The following ABHD6 variants were observed in gnomAD, a reference collection of about 807,000 sequenced individuals.
ABHD6 encodes the protein abhydrolase domain containing 6, acylglycerol lipase.
A neutral mutation model predicts 38.8 loss-of-function variants in ABHD6; 33 were observed. That is an observed-to-expected ratio of 0.85 (90% CI 0.64 to 1.14). ABHD6 has a LOEUF of 1.14. ABHD6 is among the 50% of genes most tolerant of loss of function. The pLI is 0.00. For synonymous variants in ABHD6, 147 were observed against 161.6 expected, an observed-to-expected ratio of 0.91 and a Z score of 0.69; for missense variants, 380 against 422.6, an observed-to-expected ratio of 0.90 and a Z score of 0.88.
intron 7 of ABHD6, among the ~76,000 whole-genome samples, chr3:58,279,964 T>C (rs542880710): frequency 1.3e-5 from 2 of 152,350 alleles, no homozygotes; most frequent in East Asian, 3.9e-4. Context: ...GATCCGCTGT[T>C]AGTCTGATGG....
At chr3:58,258,287 A>G in intron 3 of ABHD6, 1 of 376,182 alleles carries the variant, frequency 2.7e-6, no homozygotes, top group Non-Finnish European at 5.4e-6. Context: ...AGCCTGGGCA[A>G]CAAGAGCAGA....
In ABHD6 at chr3:58,243,178, A is replaced by G. The variant is rs137966320; in HGVS notation, c.-91+5262A>G. ...GCTATTGTGAATAGTGCTGCAATAA[A>G]CATATGTGTTCATGTGTCTTTATAG... On this transcript the variant is annotated intron_variant, in intron 1 of 9. Coordinates refer to ENST00000478253, the MANE Select transcript of ABHD6 (RefSeq NM_001320126.2). Among the ~76,000 whole-genome samples, 263 of 152,318 alleles carry G rather than the reference A, an allele frequency of 1.7e-3. 1 individual carries two copies. Among genetic ancestry groups the G allele is most frequent in the African/African-American group, 6.1e-3 (254 of 41,560 alleles).
intron 1 of ABHD6, among the ~76,000 whole-genome samples, chr3:58,247,133 G>T (rs1248393729): frequency 6.6e-6 from 1 of 151,096 alleles, no homozygotes; most frequent in African/African-American, 2.4e-5. Context: ...AGGGATTCTA[G>T]CTAGGACTAC....
chr3:58,240,836 T>G (rs1339189073), intron 1 of ABHD6, among the ~76,000 whole-genome samples: 2 of 150,958 alleles, frequency 1.3e-5, no homozygotes, highest in Non-Finnish European at 2.9e-5. Context: ...GTTCAAGCAA[T>G]TCTCCTGCCT....
chr3:58,244,656 C>T (rs1414771467), intron 1 of ABHD6, among the ~76,000 whole-genome samples: 1 of 151,728 alleles, frequency 6.6e-6, no homozygotes, highest in African/African-American at 2.4e-5. Context: ...CCCAGCTGCT[C>T]AGGAGGCTGA....
intron 7 of ABHD6, among the ~76,000 whole-genome samples, chr3:58,282,444 G>A (rs1199815014): frequency 5.9e-5 from 9 of 152,054 alleles, no homozygotes; most frequent in Non-Finnish European, 1.5e-5. Context: ...CAGCACTTGA[G>A]GTCCTGGCTG....
In ABHD6 at chr3:58,238,804, T is replaced by G. The variant is rs2097420839; in HGVS notation, c.-91+888T>G. Among the ~76,000 whole-genome samples, 2 of 152,284 alleles carry G rather than the reference T, an allele frequency of 1.3e-5. No individual in the cohort carries two copies. Among genetic ancestry groups the G allele is most frequent in the African/African-American group, 4.8e-5 (2 of 41,568 alleles). Reference sequence around the variant, plus strand: ...TGGGGGTCTTACTCCAGCTGGGACCTGGAGGCCCTCATTTATCTCGCCGCC... The same window carrying G: ...TGGGGGTCTTACTCCAGCTGGGACCGGGAGGCCCTCATTTATCTCGCCGCC... On this transcript the variant is annotated intron_variant, in intron 1 of 9. Coordinates refer to ENST00000478253, the MANE Select transcript of ABHD6 (RefSeq NM_001320126.2). The surrounding 1 kb of genome is among the most constrained non-coding windows in gnomAD (Gnocchi z 6.9).
At chr3:58,243,138 T>C (rs1334012625) in intron 1 of ABHD6, among the ~76,000 whole-genome samples, 1 of 152,218 alleles carries the variant, frequency 6.6e-6, no homozygotes, top group East Asian at 1.9e-4. Flanking sequence ...ACGTTTGGGT[T>C]GGTTCCAAGT....
At position 58,285,486 on chromosome 3, in the gene ABHD6, G is replaced by T. The variant is rs779636805; in HGVS notation, c.837+33G>T. ...ACACATCCCCGCGGCAGTCTGTGCT[G>T]GTCACCAGGGCCTCTGAGGAAAAAC... On this transcript the variant is annotated intron_variant, in intron 9 of 9. Transcript: ENST00000478253. The surrounding 1 kb of genome is among the most constrained non-coding windows in gnomAD (Gnocchi z 4.9). The T allele has an allele frequency of 6.4e-7, 1 of 1,570,606 alleles. No homozygotes were observed. Among genetic ancestry groups the T allele is most frequent in the South Asian group, 1.1e-5 (1 of 90,124 alleles).
chr3:58,242,384 A>C (rs11130621), intron 1 of ABHD6, among the ~76,000 whole-genome samples: 46,610 of 151,944 alleles, frequency 0.31, 8,066 homozygotes, highest in East Asian at 0.76. Flanking sequence ...GCCCATCCAA[A>C]CTAAAACCTC....
chr3:58,253,708 C>G (rs1252136726), intron 2 of ABHD6, among the ~76,000 whole-genome samples: 1 of 152,176 alleles, frequency 6.6e-6, no homozygotes, highest in Admixed American at 6.5e-5. Context: ...ATGATTGTCC[C>G]TACCCTCAAG....
At chr3:58,239,119 C>T (rs932862196) in intron 1 of ABHD6, among the ~76,000 whole-genome samples, 2 of 151,136 alleles carry the variant, frequency 1.3e-5, no homozygotes, top group Admixed American at 6.6e-5. Context: ...CTTCCCCCAA[C>T]CGCCCCCCCA....
Position 58,293,694 on chromosome 3 carries a change from A to G in ABHD6, c.943A>G (p.Lys315Glu). Residue 315 changes from lysine to glutamate, a missense_variant, in exon 10 of 10, where the codon AAG becomes GAG. Physicochemically the swap from Lys to Glu is moderately conservative, Grantham distance 56 (BLOSUM62 1). Coordinates refer to ENST00000478253, the MANE Select transcript of ABHD6 (RefSeq NM_001320126.2). The surrounding 1 kb of genome is among the most constrained non-coding windows in gnomAD (Gnocchi z 4.4). Reference sequence around the variant, plus strand: ...CTCAGTAGTGATGGAAAGACCCAGGAAGACAGCCAAGCTCATAATCGACTT... The same window carrying G: ...CTCAGTAGTGATGGAAAGACCCAGGGAGACAGCCAAGCTCATAATCGACTT... ...GHSVVMERPR[K>E]TAKLIIDFLA... 1 of 1,614,234 alleles carries G rather than the reference A, an allele frequency of 6.2e-7. No homozygotes were observed. The highest frequency in any genetic ancestry group is 1.1e-5 in the South Asian group (1 of 91,084).
intron 9 of ABHD6, among the ~76,000 whole-genome samples, chr3:58,286,717 A>G (rs1022321056): frequency 5.9e-5 from 9 of 151,332 alleles, no homozygotes; most frequent in African/African-American, 2.2e-4. Context: ...ATGCATACCT[A>G]TACATATCTG....
At chr3:58,240,255 T>G (rs2097421856) in intron 1 of ABHD6, among the ~76,000 whole-genome samples, 1 of 152,132 alleles carries the variant, frequency 6.6e-6, no homozygotes, top group Non-Finnish European at 1.5e-5. Flanking sequence ...AATTTTTTTT[T>G]TTAGAGATGA....
chr3:58,245,704 C>T lies in ABHD6; in HGVS notation c.-90-4174C>T, dbSNP rs139677577. ...CTGAGGCACAAGAATTGCTTGAACC[C>T]CAGAGGCAGAGGTTGCAGTGAACTG... On this transcript the variant is annotated intron_variant, in intron 1 of 9. Coordinates refer to ENST00000478253, the MANE Select transcript of ABHD6 (RefSeq NM_001320126.2). 7.7e-4 allele frequency among the ~76,000 whole-genome samples: 117 copies of T among 152,120 alleles called. 2 individuals are homozygous for T. The highest frequency in any genetic ancestry group is 3.4e-3 in the Middle Eastern group (1 of 294).
rs769155755 is a variant in ABHD6, at chr3:58,256,076, A to AACACACACAC, written c.-25-462_-25-453dup. ...TATTTCTCTCTCTTTTCCTCCCACC[A>AACACACACAC]ACACACACACACACACACACACACA... On this transcript the variant is annotated intron_variant, in intron 2 of 9. Transcript: ENST00000478253. The surrounding 1 kb of genome is among the most constrained non-coding windows in gnomAD (Gnocchi z 4.3). Among the ~76,000 whole-genome samples, 159 of 65,546 alleles carry AACACACACAC rather than the reference A, an allele frequency of 2.4e-3. No individual in the cohort carries two copies. Among genetic ancestry groups the AACACACACAC allele is most frequent in the African/African-American group, 0.013 (131 of 9,820 alleles). The allele number at this position is 65,546 out of a possible 152,430, so 43.0% of individuals were successfully genotyped here.
At chr3:58,276,024 AT>A (rs1403696415) in intron 7 of ABHD6, among the ~76,000 whole-genome samples, 1 of 152,280 alleles carries the variant, frequency 6.6e-6, no homozygotes, top group East Asian at 1.9e-4. Context: ...ATTGATAGAC[AT>A]TTGGGTTGGT....
intron 2 of ABHD6, among the ~76,000 whole-genome samples, chr3:58,255,257 C>G (rs1367799823): frequency 1.3e-5 from 2 of 152,158 alleles, no homozygotes; most frequent in African/African-American, 4.8e-5. Flanking sequence ...CTTATTCTCC[C>G]TTAACTTTGT....
Sources: gnomAD v4.1 joint callset for allele counts (sites outside exome capture counted in the v4.1 genomes callset) on GRCh38, gnomAD v4.1.1 for gene constraint, Gnocchi (gnomAD v3.1) non-coding constraint, MANE v1.5 for transcripts, NCBI Gene and HGNC (gene_info 2026-07-23, HGNC 2026-07-21) for gene names.